Variants in DNM1 observed in about 807,000 individuals in gnomAD.
DNM1 encodes the protein dynamin 1.
DNM1 carries 29 observed loss-of-function variants against 104.6 expected under a neutral mutation model. The ratio of observed to expected loss-of-function variants is 0.28; its 90% CI spans 0.21 to 0.38. The LOEUF is 0.38. Among genes scored for constraint, DNM1 ranks in the 10% least tolerant of loss-of-function variants. The pLI is 1.00. For synonymous variants in DNM1, 445 were observed against 475.8 expected, an observed-to-expected ratio of 0.94 and a Z score of 0.84; for missense variants, 640 against 1,189.4, an observed-to-expected ratio of 0.54 and a Z score of 6.79.
At chr9:128,227,239 C>A (rs976304396) in intron 10 of DNM1, among the ~76,000 whole-genome samples, 1 of 151,532 alleles carries the variant, frequency 6.6e-6, no homozygotes, top group Non-Finnish European at 1.5e-5. Flanking sequence ...GTCTTGAACC[C>A]CTGACCGGAG....
chr9:128,217,697 G>T (rs373508318), intron 1 of DNM1, among the ~76,000 whole-genome samples: 2 of 152,140 alleles, frequency 1.3e-5, no homozygotes, highest in East Asian at 3.9e-4. Flanking sequence ...GATTACAGGC[G>T]TGAGCCACCG....
At chr9:128,231,288 C>T (rs1326848797) in intron 10 of DNM1, among the ~76,000 whole-genome samples, 1 of 144,024 alleles carries the variant, frequency 6.9e-6, no homozygotes, top group African/African-American at 2.5e-5. Flanking sequence ...CTGCAACCTC[C>T]ACCTCCTGGG....
At chr9:128,239,574 GT>G in intron 12 of DNM1, 59 bp downstream of exon 12, 1 of 757,110 alleles carries the variant, frequency 1.3e-6, no homozygotes. Context: ...TAACGTGTGT[GT>G]GTGTGTGTGT....
intron 1 of DNM1, among the ~76,000 whole-genome samples, chr9:128,215,401 G>A (rs1450815335): frequency 6.6e-6 from 1 of 152,258 alleles, no homozygotes; most frequent in Non-Finnish European, 1.5e-5. Flanking sequence ...ACTACCCAAG[G>A]CATTCTGATG....
chr9:128,250,910 GC>G lies in DNM1; in HGVS notation c.2508del (p.Asn837ThrfsTer51). The G allele has an allele frequency of 7.3e-7, 1 of 1,371,224 alleles. No individual in the cohort carries two copies. Among genetic ancestry groups the G allele is most frequent in the Non-Finnish European group, 9.4e-7 (1 of 1,063,876 alleles). The allele number at this position is 1,371,224 out of a possible 1,614,324, so 84.9% of individuals were successfully genotyped here. A position where few individuals can be genotyped will look rare whatever the true frequency, so the allele number is the denominator to read the frequency against. ...GGCCCTCCCCCTCAGGTGCCCTCGC[GC>G]CCCAACCGCGCCCCGCCCGGGGTCC... Reference protein sequence around the residue: ...PFGPPPQVPSRPNRAPPGVPS... With the variant: ...PFGPPPQVPSXPNRAPPGVPS... On this transcript the variant is annotated frameshift_variant, in exon 21 of 22. Coordinates refer to ENST00000372923, the MANE Select transcript of DNM1 (RefSeq NM_004408.4). LOFTEE classifies it high-confidence loss of function.
In DNM1 at chr9:128,220,742, C is replaced by CGCGCGCGCGCGCGCGCGTGT. The variant is rs61020870; in HGVS notation, c.849+402_849+403insCGCGCGCGCGCGCGCGTGTG. Among the ~76,000 whole-genome samples the CGCGCGCGCGCGCGCGCGTGT allele has an allele frequency of 7.3e-6, 1 of 136,278 alleles. No homozygotes were observed. Among genetic ancestry groups the CGCGCGCGCGCGCGCGCGTGT allele is most frequent in the Non-Finnish European group, 1.6e-5 (1 of 63,298 alleles). 89.4% of individuals were successfully genotyped at this position (136,278 alleles called of 152,430 possible). A position where few individuals can be genotyped will look rare whatever the true frequency, so the allele number is the denominator to read the frequency against. Reference sequence around the variant, plus strand: ...CAGAACTGAAGTGCGCGCGCGCGCGCGTGTGTGTGTGTGTGTGTGTGTGTG... The same window carrying CGCGCGCGCGCGCGCGCGTGT: ...CAGAACTGAAGTGCGCGCGCGCGCGCGCGCGCGCGCGCGCGCGTGTGTGTGTGTGTGTGTGTGTGTGTGTG... On this transcript the variant is annotated intron_variant, in intron 6 of 21. Transcript: ENST00000372923. The surrounding 1 kb of genome is among the most constrained non-coding windows in gnomAD (Gnocchi z 5.2).
Position 128,218,243 on chromosome 9 carries a change from T to C in DNM1, c.174T>C (p.Pro58=). The change falls in exon 2 of 22, where the codon CCT becomes CCC. Residue 58 remains proline, a synonymous_variant. Transcript: ENST00000372923. This position sits in a 1 kb window ranked among gnomAD's most constrained non-coding sequence, Gnocchi z 4.8. ...LENFVGRDFL[P]RGSGIVTRRP... is the part of the protein sequence containing the mutation. ...CAACTCATTGCAGGGACTTCTTGCC[T>C]CGAGGATCTGGCATTGTCACCCGAC... The C allele has an allele frequency of 2.5e-6, 4 of 1,614,078 alleles. No individual in the cohort carries two copies. The highest frequency in any genetic ancestry group is 3.4e-6 in the Non-Finnish European group (4 of 1,180,012).
At chr9:128,214,672 G>A (rs1224402379) in intron 1 of DNM1, among the ~76,000 whole-genome samples, 1 of 152,186 alleles carries the variant, frequency 6.6e-6, no homozygotes, top group African/African-American at 2.4e-5. Flanking sequence ...AGAGGTGTTT[G>A]TTTCGTCCCC....
At chr9:128,204,208 C>G (rs994434948) in intron 1 of DNM1, 1 of 152,602 alleles carries the variant, frequency 6.6e-6, no homozygotes, top group Non-Finnish European at 1.5e-5. Flanking sequence ...CGCCGCCATC[C>G]GTGCGCAGCG....
intron 11 of DNM1, among the ~76,000 whole-genome samples, chr9:128,235,899 A>G (rs1835983861): frequency 6.6e-6 from 1 of 152,070 alleles, no homozygotes; most frequent in African/African-American, 2.4e-5. Flanking sequence ...ATTTTTTTGT[A>G]GAGACGGGGG....
intron 14 of DNM1, among the ~76,000 whole-genome samples, chr9:128,241,859 A>T (rs1186815796): frequency 6.6e-6 from 1 of 152,204 alleles, no homozygotes; most frequent in African/African-American, 2.4e-5. Context: ...TAAAGTCAGA[A>T]ACACATCTCA....
chr9:128,223,213 C>T lies in DNM1; in HGVS notation c.1196+353C>T, dbSNP rs1420089753. The T allele has an allele frequency of 4.1e-5, 12 of 293,396 alleles. No homozygotes were observed. In the South Asian group the frequency reaches 4.8e-4, roughly 12 times the overall value. The allele number at this position is 293,396 out of a possible 1,614,324, so 18.2% of individuals were successfully genotyped here. A position where few individuals can be genotyped will look rare whatever the true frequency, so the allele number is the denominator to read the frequency against. Reference sequence around the variant, plus strand: ...ACCACTACGAGGGCCTGGGGTGGAGCATCTAAGTATGAGGCTGTGTCCTTT... The same window carrying T: ...ACCACTACGAGGGCCTGGGGTGGAGTATCTAAGTATGAGGCTGTGTCCTTT... On this transcript the variant is annotated intron_variant, in intron 9 of 21. Transcript: ENST00000372923.
chr9:128,205,204 G>A (rs1833857638), intron 1 of DNM1, among the ~76,000 whole-genome samples: 1 of 152,208 alleles, frequency 6.6e-6, no homozygotes, highest in Non-Finnish European at 1.5e-5. Flanking sequence ...AGGGCCAGCA[G>A]TCAGGGATAT....
At position 128,247,544 on chromosome 9, in the gene DNM1, C is replaced by A. The variant is rs1189117654; in HGVS notation, c.1893+58C>A. On this transcript the variant is annotated intron_variant, in intron 17 of 21. Transcript: ENST00000372923. The surrounding 1 kb of genome is among the most constrained non-coding windows in gnomAD (Gnocchi z 5.1). ...CATGATCCTAGGGCCCCTGGGGCACCATCCTCAGTGATGCCAAGTCATGCC... is the reference window on the plus strand; with the variant it reads ...CATGATCCTAGGGCCCCTGGGGCACAATCCTCAGTGATGCCAAGTCATGCC... The A allele has an allele frequency of 3.0e-6, 4 of 1,339,572 alleles. No homozygotes were observed. Among genetic ancestry groups the A allele is most frequent in the African/African-American group, 2.9e-5 (2 of 69,378 alleles). 83.0% of individuals were successfully genotyped at this position (1,339,572 alleles called of 1,614,324 possible).
Position 128,250,932 on chromosome 9 carries a change from G to T in DNM1, c.2526G>T (p.Gly842=), listed in dbSNP as rs1390465556. 7 of 1,371,352 alleles carry T rather than the reference G, an allele frequency of 5.1e-6. No homozygotes were observed. Among genetic ancestry groups the T allele is most frequent in the Non-Finnish European group, 6.6e-6 (7 of 1,059,120 alleles). 84.9% of individuals were successfully genotyped at this position (1,371,352 alleles called of 1,614,324 possible). ...VPSRPNRAPP[G]VPSRSGQASP... ...CGCGCCCCAACCGCGCCCCGCCCGG[G>T]GTCCCCAGGTGAGTAGGGGCTGAAT... is the stretch of plus-strand genomic sequence containing the variant. The change falls in exon 21 of 22, where the codon GGG becomes GGT. Residue 842 remains glycine, a synonymous_variant. Coordinates refer to ENST00000372923, the MANE Select transcript of DNM1 (RefSeq NM_004408.4).
chr9:128,248,283 C>T lies in DNM1; in HGVS notation c.1906-300C>T, dbSNP rs986870772. On this transcript the variant is annotated intron_variant, in intron 18 of 21. Transcript: ENST00000372923. The surrounding 1 kb of genome is among the most constrained non-coding windows in gnomAD (Gnocchi z 5.6). Reference sequence around the variant, plus strand: ...AGGTTGCAATGAGCCAATACAGCACCACTGCACTCCAGCCTGGGTGACAAA... The same window carrying T: ...AGGTTGCAATGAGCCAATACAGCACTACTGCACTCCAGCCTGGGTGACAAA... 4.1e-6 allele frequency: 2 copies of T among 489,076 alleles called. No individual in the cohort carries two copies. Among genetic ancestry groups the T allele is most frequent in the African/African-American group, 3.9e-5 (2 of 51,754 alleles). 30.3% of individuals were successfully genotyped at this position (489,076 alleles called of 1,614,324 possible). A position where few individuals can be genotyped will look rare whatever the true frequency, so the allele number is the denominator to read the frequency against.
chr9:128,222,351 C>T lies in DNM1; in HGVS notation c.992+12C>T. The T allele has an allele frequency of 6.2e-7, 1 of 1,611,546 alleles. No homozygotes were observed. Among genetic ancestry groups the T allele is most frequent in the Non-Finnish European group, 8.5e-7 (1 of 1,178,344 alleles). ...AAGGCCCTGCTGCAGTGAGGCTCCCCCAGCTCCTATCACTGAATCCCCGCC... is the reference window on the plus strand; with the variant it reads ...AAGGCCCTGCTGCAGTGAGGCTCCCTCAGCTCCTATCACTGAATCCCCGCC... On this transcript the variant is annotated intron_variant, in intron 7 of 21. Coordinates refer to ENST00000372923, the MANE Select transcript of DNM1 (RefSeq NM_004408.4). This position sits in a 1 kb window ranked among gnomAD's most constrained non-coding sequence, Gnocchi z 7.8.
intron 1 of DNM1, among the ~76,000 whole-genome samples, chr9:128,211,700 C>G (rs1429348231): frequency 6.6e-6 from 1 of 152,036 alleles, no homozygotes; most frequent in Admixed American, 6.5e-5. Flanking sequence ...CGTTGTCTTC[C>G]TCTTTCACTG....
In DNM1 at chr9:128,247,613, C is replaced by T. The variant is rs576789239; in HGVS notation, c.1893+127C>T. ...TTGGCTCAGAAATAATAGGAATCCT[C>T]CCCCCTACCCACTCTGGGGGTGGGA... On this transcript the variant is annotated intron_variant, in intron 17 of 21. Coordinates refer to ENST00000372923, the MANE Select transcript of DNM1 (RefSeq NM_004408.4). This position sits in a 1 kb window ranked among gnomAD's most constrained non-coding sequence, Gnocchi z 5.1. 45 of 795,290 alleles carry T rather than the reference C, an allele frequency of 5.7e-5. No individual in the cohort carries two copies. The highest frequency in any genetic ancestry group is 8.5e-5 in the Non-Finnish European group (42 of 492,262). 49.3% of individuals were successfully genotyped at this position (795,290 alleles called of 1,614,324 possible).
Sources: gnomAD v4.1 joint callset for allele counts (sites outside exome capture counted in the v4.1 genomes callset) on GRCh38, gnomAD v4.1.1 for gene constraint, Gnocchi (gnomAD v3.1) non-coding constraint, MANE v1.5 for transcripts, NCBI Gene and HGNC (gene_info 2026-07-23, HGNC 2026-07-21) for gene names.